MACF1: variants seen among roughly 807,000 people sequenced by gnomAD.
MACF1 encodes microtubule-actin cross-linking factor 1.
A neutral mutation model predicts 854.8 loss-of-function variants in MACF1; 193 were observed. The observed-to-expected ratio is 0.23, with a 90% CI of 0.20 to 0.25. The LOEUF (loss-of-function observed/expected upper bound fraction) is 0.25, where lower values mean the gene tolerates loss of function less well. Ranked by LOEUF, MACF1 falls within the 10% of genes least tolerant of loss-of-function variation. The pLI, the probability that MACF1 is intolerant of heterozygous loss-of-function variation, is 1.00. For synonymous variants in MACF1, 3,185 were observed against 3,226.7 expected (o/e 0.99, Z 0.44); for missense variants, 7,722 against 8,929.1 (o/e 0.86, Z 5.45).
chr1:39,346,863 A>G, intron 40 of MACF1, 114 bp from the exon 41 acceptor site: 1 of 718,344 alleles, frequency 1.4e-6, no homozygotes, highest in Non-Finnish European at 2.4e-6. Flanking sequence ...CATTAGTGCC[A>G]GTTATGAAAA....
Position 39,223,425 on chromosome 1 carries a change from TTTCTG to T in MACF1, c.110-7756_110-7752del, listed in dbSNP as rs371191290. Among the ~76,000 whole-genome samples, 788 of 152,340 alleles carry T rather than the reference TTTCTG, an allele frequency of 5.2e-3. 5 individuals carry two copies. Among genetic ancestry groups the T allele is most frequent in the African/African-American group, 0.018 (752 of 41,574 alleles). ...CTGCTTCATCTGTCTGGACTTTATT[TTTCTG>T]GCTAACTTACAGAGTTGTTGAGCAT... On this transcript the variant is annotated intron_variant, in intron 1 of 100. Coordinates refer to ENST00000564288, the MANE Select transcript of MACF1 (RefSeq NM_001394062.1).
chr1:39,123,903 T>A (rs932893247), intron 2 of MACF1, among the ~76,000 whole-genome samples: 2 of 151,704 alleles, frequency 1.3e-5, no homozygotes, highest in African/African-American at 2.4e-5. Flanking sequence ...TTTTTTTGTA[T>A]TTTTAGTGGA....
intron 97 of MACF1, 28 bp from the exon 98 acceptor site, chr1:39,479,770 A>G (rs1463569811): frequency 1.3e-5 from 21 of 1,591,284 alleles, no homozygotes; most frequent in South Asian, 5.5e-5. Flanking sequence ...AAGAACTGAC[A>G]TTGTGTGTGT....
chr1:39,362,143 C>G (rs541011766), intron 49 of MACF1, among the ~76,000 whole-genome samples: 17 of 152,302 alleles, frequency 1.1e-4, no homozygotes, highest in Admixed American at 5.2e-4. Flanking sequence ...GTATTAACAG[C>G]TACCACAGAT....
chr1:39,216,778 A>C (rs57005889), intron 1 of MACF1, among the ~76,000 whole-genome samples: 3,495 of 152,156 alleles, frequency 0.023, 83 homozygotes, highest in East Asian at 0.13. Flanking sequence ...AACGTATAGC[A>C]AAAGGGCCTT....
rs147759232 is a variant in MACF1 at position 39,211,753 on chromosome 1, C to T, written c.109+6622C>T. ...AAAATTAGCCAGGTGCTGTGGTGGG[C>T]GCCTGTAATCCCAGCTACTTGGGAA... is the stretch of plus-strand genomic sequence containing the variant. On this transcript the variant is annotated intron_variant, in intron 1 of 100. Transcript: ENST00000564288. 5.0e-3 allele frequency among the ~76,000 whole-genome samples: 758 copies of T among 152,016 alleles called. 6 individuals are homozygous for T. Among genetic ancestry groups the T allele is most frequent in the Non-Finnish European group, 7.9e-3 (535 of 67,982 alleles).
intron 2 of MACF1, among the ~76,000 whole-genome samples, chr1:39,163,865 G>A (rs1235729532): frequency 6.6e-6 from 1 of 152,096 alleles, no homozygotes; most frequent in Non-Finnish European, 1.5e-5. Flanking sequence ...GATGTTAAAT[G>A]ATGGACTACA....
chr1:39,352,114 C>T (rs902353053), intron 43 of MACF1, among the ~76,000 whole-genome samples: 12 of 151,750 alleles, frequency 7.9e-5, no homozygotes, highest in East Asian at 3.9e-4. Context: ...CCTTGGATGC[C>T]GACACTAATG....
At chr1:39,471,941 A>G (rs1252560852) in intron 97 of MACF1, among the ~76,000 whole-genome samples, 1 of 152,174 alleles carries the variant, frequency 6.6e-6, no homozygotes, top group Non-Finnish European at 1.5e-5. Context: ...AACTCTCTTC[A>G]TCTTGTAAAA....
intron 6 of MACF1, among the ~76,000 whole-genome samples, chr1:39,270,359 C>A (rs964341176): frequency 6.6e-6 from 1 of 151,990 alleles, no homozygotes; most frequent in African/African-American, 2.4e-5. Flanking sequence ...GAGGTTAGGG[C>A]AATTTGAAGG....
chr1:39,354,468 G>A (rs1016776764), intron 44 of MACF1, among the ~76,000 whole-genome samples: 7 of 151,982 alleles, frequency 4.6e-5, no homozygotes, highest in African/African-American at 1.2e-4. Flanking sequence ...GCAGTGGCAC[G>A]ATCCCAGCTC....
rs375422279 is a variant in MACF1, at chr1:39,447,796, C to A, written c.19866C>A (p.Ile6622=). 13 of 1,613,728 alleles carry A rather than the reference C, an allele frequency of 8.1e-6. No homozygotes were observed. The highest frequency in any genetic ancestry group is 1.0e-5 in the Non-Finnish European group (12 of 1,179,946). ...GCCAAAAGCAGGATGTTGTTCTGAT[C>A]AAGAATTTGTTGGTGAGCGTGCAGT... The part of the protein sequence containing the change: ...FLSQKQDVVL[I]KNLLVSVQSR... The change falls in exon 82 of 101, where the codon ATC becomes ATA. Residue 6622 remains isoleucine (I), a synonymous_variant. Coordinates refer to ENST00000564288, the MANE Select transcript of MACF1 (RefSeq NM_001394062.1).
chr1:39,360,009 AAAAATATATATATATATATATATAT>A (rs1247905369), intron 47 of MACF1, among the ~76,000 whole-genome samples: 7 of 53,034 alleles, frequency 1.3e-4, no homozygotes, highest in East Asian at 1.2e-3. Flanking sequence ...AAAAAAAAAA[AAAAATATATATATATATATATATAT>A]ATATATATAT....
chr1:39,427,829 A>G (rs1381484464), intron 62 of MACF1, 132 bp from the exon 63 acceptor site: 1 of 925,468 alleles, frequency 1.1e-6, no homozygotes, highest in East Asian at 2.7e-5. Flanking sequence ...CCCAATTTTT[A>G]TATTATTTTT....
intron 2 of MACF1, among the ~76,000 whole-genome samples, chr1:39,193,608 CACTT>C (rs1455598283): frequency 1.3e-5 from 2 of 152,156 alleles, no homozygotes; most frequent in Admixed American, 1.3e-4. Context: ...TGCATTTTCT[CACTT>C]AATCCTCACT....
chr1:39,410,867 T>C (rs757584496), intron 58 of MACF1: 4 of 1,613,914 alleles, frequency 2.5e-6, no homozygotes, highest in Non-Finnish European at 3.4e-6. Flanking sequence ...TCCAAATCCA[T>C]AGGTATTCCA....
At chr1:39,321,837 T>C (rs1232545652) in intron 31 of MACF1, among the ~76,000 whole-genome samples, 1 of 152,216 alleles carries the variant, frequency 6.6e-6, no homozygotes, top group Non-Finnish European at 1.5e-5. Flanking sequence ...AAAAGCTCTA[T>C]TCTAGATCAT....
At chr1:39,293,931 T>A (rs901539450) in intron 18 of MACF1, among the ~76,000 whole-genome samples, 19 of 152,112 alleles carry the variant, frequency 1.2e-4, no homozygotes, top group African/African-American at 4.1e-4. Flanking sequence ...GTGCCTAAGT[T>A]CAAATTCTTA....
chr1:39,422,721 A>G lies in MACF1; in HGVS notation c.15979-9A>G, dbSNP rs901271253. On this transcript the variant is annotated splice_polypyrimidine_tract_variant and intron_variant, in intron 59 of 100. Transcript: ENST00000564288. ...GTTCTCATAATGAACCTACATGTTC[A>G]TGATACAGGTCGCACAAAGAATTGC... The G allele has an allele frequency of 1.2e-6, 2 of 1,613,096 alleles. No homozygotes were observed. The highest frequency in any genetic ancestry group is 1.7e-6 in the Non-Finnish European group (2 of 1,179,074).
Sources: gnomAD v4.1 joint callset for allele counts (sites outside exome capture counted in the v4.1 genomes callset) on GRCh38, gnomAD v4.1.1 for gene constraint, MANE v1.5 for transcripts, NCBI Gene and HGNC (gene_info 2026-07-23, HGNC 2026-07-21) for gene names.